Variants in LRRC9 observed in about 807,000 individuals in gnomAD.
LRRC9 encodes the protein leucine rich repeat containing 9.
In LRRC9, 122 loss-of-function variants were observed where a neutral mutation model predicts 63.2. The observed-to-expected ratio is 1.93, with a 90% CI of 1.67 to 2.24. The LOEUF (loss-of-function observed/expected upper bound fraction) is 2.24. Among genes scored for constraint, LRRC9 ranks in the 30% most tolerant of loss-of-function variants. LRRC9 has a pLI of 0.00. For synonymous variants in LRRC9, 366 were observed against 213.1 expected (o/e 1.72, Z -6.25); for missense variants, 1,071 against 627.7 (o/e 1.71, Z -7.55).
intron 29 of LRRC9, among the ~76,000 whole-genome samples, chr14:60,032,562 T>C (rs1235008075): frequency 2.6e-5 from 4 of 152,172 alleles, no homozygotes; most frequent in Admixed American, 6.6e-5. Flanking sequence ...GGGGAGACAT[T>C]TGCAACCTTT....
intron 29 of LRRC9, among the ~76,000 whole-genome samples, chr14:60,045,903 C>CT (rs369623982): frequency 5.3e-5 from 8 of 151,926 alleles, no homozygotes; most frequent in Middle Eastern, 3.4e-3. Context: ...AGTGTAAAAG[C>CT]TTTTTTTTCT....
chr14:59,975,773 T>C (rs925948259), intron 13 of LRRC9, among the ~76,000 whole-genome samples: 6 of 152,192 alleles, frequency 3.9e-5, no homozygotes, highest in African/African-American at 1.4e-4. Flanking sequence ...GAATGTATAA[T>C]ATGGAGAATA....
At chr14:60,001,975 T>C (rs1272855354) in exon 20 of LRRC9, 4 of 684,036 alleles carry the variant, frequency 5.8e-6, no homozygotes, top group Non-Finnish European at 1.1e-5. Flanking sequence ...GTTATCTCTC[T>C]TACGGCATTC....
intron 8 of LRRC9, among the ~76,000 whole-genome samples, chr14:59,953,171 C>A (rs1883359265): frequency 6.6e-6 from 1 of 152,198 alleles, no homozygotes; most frequent in African/African-American, 2.4e-5. Context: ...TGGGTGTATA[C>A]CCAGTAATGG....
Position 59,962,006 on chromosome 14 carries a change from G to T in LRRC9, c.1211+961G>T, listed in dbSNP as rs146846092. ...CAAAATAAATACTAATTTTTATAGT[G>T]TAGAATGTAAAACTTACACTAACTT... On this transcript the variant is annotated intron_variant, in intron 10 of 31. Coordinates refer to ENST00000445360, the Ensembl canonical transcript of LRRC9. This position sits in a 1 kb window ranked among gnomAD's most constrained non-coding sequence, Gnocchi z 5.1. Among the ~76,000 whole-genome samples the T allele has an allele frequency of 0.013, 2,004 of 152,144 alleles. 26 individuals are homozygous for T. The highest frequency in any genetic ancestry group is 0.027 in the Middle Eastern group (8 of 294).
At chr14:59,929,337 A>G (rs768322228) in intron 3 of LRRC9, among the ~76,000 whole-genome samples, 19 of 152,140 alleles carry the variant, frequency 1.2e-4, no homozygotes, top group Non-Finnish European at 2.5e-4. Flanking sequence ...AAAATAACTG[A>G]TCATTAGAGA....
At chr14:59,998,962 A>T in intron 18 of LRRC9, 139 bp from the exon 19 acceptor site, 1 of 453,308 alleles carries the variant, frequency 2.2e-6, no homozygotes, top group Non-Finnish European at 3.9e-6. Context: ...TTATTTAAAT[A>T]ATTAAGCTTT....
chr14:59,989,021 A>AT (rs1258610748), intron 17 of LRRC9, among the ~76,000 whole-genome samples: 6 of 152,148 alleles, frequency 3.9e-5, no homozygotes, highest in South Asian at 2.1e-4. Context: ...AGAATGTATG[A>AT]TTTTTTTACC....
At chr14:60,045,365 C>A (rs1480411724) in intron 29 of LRRC9, among the ~76,000 whole-genome samples, 2 of 152,026 alleles carry the variant, frequency 1.3e-5, no homozygotes, top group African/African-American at 2.4e-5. Flanking sequence ...CACAGGTCAC[C>A]CCATCACCTA....
intron 8 of LRRC9, 80 bp from the exon 9 acceptor site, chr14:59,959,738 A>C: frequency 2.0e-6 from 1 of 498,532 alleles, no homozygotes; most frequent in Non-Finnish European, 3.6e-6. Flanking sequence ...AGATCCCATT[A>C]AAACTTAACA....
intron 17 of LRRC9, among the ~76,000 whole-genome samples, chr14:59,996,033 C>A (rs1253387131): frequency 6.6e-6 from 1 of 152,144 alleles, no homozygotes. Flanking sequence ...AGCCACCGGG[C>A]CCGGGCAGAA....
In LRRC9 at chr14:60,058,121, A is replaced by C. The variant is rs1685646939; in HGVS notation, c.4276+99A>C. On this transcript the variant is annotated intron_variant, in intron 31 of 31. Transcript: ENST00000445360. The surrounding 1 kb of genome is among the most constrained non-coding windows in gnomAD (Gnocchi z 4.4). ...TAGTACTTAAAATTCCTTGTTTTTA[A>C]CTTACATTTCCTAAAATTGCATGTT... 1 of 458,656 alleles carries C rather than the reference A, an allele frequency of 2.2e-6. No homozygotes were observed. Among genetic ancestry groups the C allele is most frequent in the African/African-American group, 1.9e-5 (1 of 51,894 alleles). The allele number at this position is 458,656 out of a possible 1,614,324, so 28.4% of individuals were successfully genotyped here. A position where few individuals can be genotyped will look rare whatever the true frequency, so the allele number is the denominator to read the frequency against.
At chr14:60,019,889 TAAC>T (rs1890988539) in intron 26 of LRRC9, among the ~76,000 whole-genome samples, 1 of 151,454 alleles carries the variant, frequency 6.6e-6, no homozygotes, top group African/African-American at 2.4e-5. Flanking sequence ...ATATATTTTA[TAAC>T]GTGTATCTCC....
At chr14:60,010,987 A>G (rs1890215947) in intron 23 of LRRC9, among the ~76,000 whole-genome samples, 1 of 151,964 alleles carries the variant, frequency 6.6e-6, no homozygotes, top group African/African-American at 2.4e-5. Context: ...AACTGTTCCA[A>G]CCTCTGCCTG....
intron 29 of LRRC9, among the ~76,000 whole-genome samples, chr14:60,038,693 A>G (rs1277141745): frequency 6.6e-6 from 1 of 152,204 alleles, no homozygotes; most frequent in Non-Finnish European, 1.5e-5. Context: ...TTCCAAATAT[A>G]CAATCATGTC....
intron 29 of LRRC9, among the ~76,000 whole-genome samples, chr14:60,049,536 A>C (rs1173340874): frequency 6.6e-6 from 1 of 152,146 alleles, no homozygotes; most frequent in Non-Finnish European, 1.5e-5. Flanking sequence ...CCAGATATGA[A>C]ATTCTAGGTT....
intron 23 of LRRC9, among the ~76,000 whole-genome samples, chr14:60,013,956 T>C (rs1202839342): frequency 6.6e-6 from 1 of 152,152 alleles, no homozygotes; most frequent in South Asian, 2.1e-4. Context: ...TTTTCTTGTT[T>C]TATATTTGTT....
At chr14:59,983,827 C>T (rs1204822310) in intron 16 of LRRC9, among the ~76,000 whole-genome samples, 1 of 152,140 alleles carries the variant, frequency 6.6e-6, no homozygotes, top group Non-Finnish European at 1.5e-5. Context: ...CCTTTAAAGA[C>T]CCTAACTTTG....
intron 29 of LRRC9, among the ~76,000 whole-genome samples, chr14:60,048,234 A>C (rs1893597053): frequency 6.6e-6 from 1 of 152,118 alleles, no homozygotes; most frequent in Non-Finnish European, 1.5e-5. Flanking sequence ...AAAGAACTAG[A>C]AACCAAGAGC....
Sources: allele counts gnomAD v4.1 joint callset (sites outside exome capture counted in the v4.1 genomes callset), GRCh38; gene constraint gnomAD v4.1.1; non-coding constraint Gnocchi (gnomAD v3.1); transcripts MANE v1.5; gene names NCBI Gene and HGNC (gene_info 2026-07-23, HGNC 2026-07-21).